POU6F2: variants seen among roughly 807,000 people sequenced by gnomAD.
POU6F2 encodes POU domain, class 6, transcription factor 2.
Under a neutral mutation model 71.3 loss-of-function variants are expected in POU6F2, and 31 were observed. The ratio of observed to expected loss-of-function variants is 0.43; its 90% CI spans 0.33 to 0.59. POU6F2 has a LOEUF of 0.59. POU6F2 is among the 20% of genes least tolerant of loss of function. The probability of loss-of-function intolerance (pLI) is 0.04; values close to 1 mark genes in which losing one functional copy is unlikely to be tolerated. For missense variants in POU6F2, 783 were observed against 856.8 expected (o/e 0.91, Z 1.07); for synonymous variants, 347 against 355.7 (o/e 0.98, Z 0.27).
intron 1 of POU6F2, among the ~76,000 whole-genome samples, chr7:39,009,927 G>A (rs926544466): frequency 1.3e-5 from 2 of 151,868 alleles, no homozygotes; most frequent in Non-Finnish European, 2.9e-5. Flanking sequence ...CGGTTTGCCA[G>A]TATTTTATTG....
At chr7:39,322,527 C>A (rs991955925) in intron 4 of POU6F2, among the ~76,000 whole-genome samples, 21 of 152,192 alleles carry the variant, frequency 1.4e-4, no homozygotes, top group African/African-American at 4.8e-4. Context: ...ACCTGCAGTA[C>A]TTTTCTGTTT....
chr7:39,117,634 G>C (rs955976266), intron 2 of POU6F2, among the ~76,000 whole-genome samples: 2 of 152,118 alleles, frequency 1.3e-5, no homozygotes, highest in Non-Finnish European at 2.9e-5. Flanking sequence ...AGGAGAAGCC[G>C]ACAAGAGGGA....
In POU6F2 at chr7:39,464,611, A is replaced by G; in HGVS notation, c.2088A>G (p.Lys696=). 6.2e-7 allele frequency: 1 copy of G among 1,610,564 alleles called. No individual in the cohort carries two copies. The highest frequency in any genetic ancestry group is 1.1e-5 in the South Asian group (1 of 90,274). ...GGCAAGCCCTGAAGAACACAATTAA[A>G]CGCTTAAAACAGCACGAGCCGGCCA... is the stretch of plus-strand genomic sequence containing the variant. ...NKRQALKNTI[K]RLKQHEPATA... is the part of the protein sequence containing the mutation. The change falls in exon 10 of 10, where the codon AAA becomes AAG. Residue 696 remains lysine, a synonymous_variant. Coordinates refer to ENST00000518318, the MANE Select transcript of POU6F2 (RefSeq NM_001370959.1). This position sits in a 1 kb window ranked among gnomAD's most constrained non-coding sequence, Gnocchi z 4.1.
chr7:39,417,526 G>A (rs1787707337), intron 6 of POU6F2, among the ~76,000 whole-genome samples: 2 of 152,158 alleles, frequency 1.3e-5, no homozygotes, highest in Non-Finnish European at 2.9e-5. Context: ...AATAGATCCT[G>A]AGAAGATGTC....
At chr7:39,083,967 G>A (rs1791182984) in intron 1 of POU6F2, among the ~76,000 whole-genome samples, 1 of 152,130 alleles carries the variant, frequency 6.6e-6, no homozygotes, top group South Asian at 2.1e-4. Flanking sequence ...TGTGATGAAA[G>A]ATGATATCTG....
chr7:39,454,974 C>T (rs74808894), intron 8 of POU6F2, among the ~76,000 whole-genome samples: 1,603 of 151,770 alleles, frequency 0.011, 25 homozygotes, highest in African/African-American at 0.036. Context: ...CACGTCTGGG[C>T]TCAGAATTAC....
At chr7:39,439,844 C>T (rs557797769) in intron 7 of POU6F2, among the ~76,000 whole-genome samples, 1 of 151,434 alleles carries the variant, frequency 6.6e-6, no homozygotes, top group African/African-American at 2.4e-5. Context: ...ATATTTAGTG[C>T]TTCTTTCAGG....
intron 1 of POU6F2, chr7:39,083,480 G>A (rs888840464): frequency 6.6e-6 from 1 of 152,110 alleles, no homozygotes; most frequent in African/African-American, 2.4e-5. Flanking sequence ...GTCAACCAAT[G>A]AGCGTTGTTC....
intron 1 of POU6F2, among the ~76,000 whole-genome samples, chr7:39,081,900 A>T (rs10464366): frequency 0.24 from 35,827 of 152,126 alleles, 5,168 homozygotes; most frequent in East Asian, 0.73. Flanking sequence ...ACTTTTGGAG[A>T]TGAATTGGCC....
intron 2 of POU6F2, among the ~76,000 whole-genome samples, chr7:39,144,308 A>T (rs1209387186): frequency 6.6e-6 from 1 of 152,234 alleles, no homozygotes; most frequent in Non-Finnish European, 1.5e-5. Flanking sequence ...CTGTTATTTT[A>T]AAAAGTTTCT....
chr7:39,158,052 A>C (rs939063972), intron 2 of POU6F2, among the ~76,000 whole-genome samples: 5 of 152,182 alleles, frequency 3.3e-5, no homozygotes, highest in African/African-American at 1.2e-4. Context: ...TATTTTTTCC[A>C]ACTTCAGCAA....
At chr7:39,149,958 T>C (rs1792715815) in intron 2 of POU6F2, among the ~76,000 whole-genome samples, 1 of 150,866 alleles carries the variant, frequency 6.6e-6, no homozygotes, top group Non-Finnish European at 1.5e-5. Flanking sequence ...CAATCTCGGC[T>C]CACTGCAAGC....
At chr7:39,290,451 A>G (rs888853382) in intron 4 of POU6F2, among the ~76,000 whole-genome samples, 2 of 152,216 alleles carry the variant, frequency 1.3e-5, no homozygotes, top group African/African-American at 4.8e-5. Flanking sequence ...GATTCTAAAC[A>G]TGGGTAGGCT....
At chr7:39,229,781 T>G (rs1306225827) in intron 4 of POU6F2, among the ~76,000 whole-genome samples, 1 of 152,200 alleles carries the variant, frequency 6.6e-6, no homozygotes, top group East Asian at 1.9e-4. Context: ...CTTTGCAATC[T>G]TTGCCCTAAA....
intron 1 of POU6F2, chr7:39,006,900 T>C (rs1200228813): frequency 1.9e-6 from 3 of 1,604,946 alleles, no homozygotes; most frequent in East Asian, 2.2e-5. Context: ...TGCCTACCAA[T>C]AGGAAATTTC....
intron 2 of POU6F2, among the ~76,000 whole-genome samples, chr7:39,194,937 G>A (rs1793753701): frequency 6.6e-6 from 1 of 152,102 alleles, no homozygotes; most frequent in South Asian, 2.1e-4. Flanking sequence ...CCCACCAGAA[G>A]GAGAAACTCC....
At chr7:39,069,966 CT>C (rs1283116411) in intron 1 of POU6F2, among the ~76,000 whole-genome samples, 3 of 152,148 alleles carry the variant, frequency 2.0e-5, no homozygotes, top group African/African-American at 7.2e-5. Context: ...GTTAAAGTGG[CT>C]TTTTTAAGAC....
At chr7:39,351,103 T>C (rs559638911) in intron 5 of POU6F2, among the ~76,000 whole-genome samples, 1 of 152,376 alleles carries the variant, frequency 6.6e-6, no homozygotes, top group East Asian at 1.9e-4. Flanking sequence ...AGACTCCGTG[T>C]GTGCAGCCAG....
At chr7:39,353,761 G>A (rs530085837) in intron 5 of POU6F2, among the ~76,000 whole-genome samples, 1 of 152,328 alleles carries the variant, frequency 6.6e-6, no homozygotes, top group South Asian at 2.1e-4. Context: ...GACTGGGGCT[G>A]CAGGTCTTCA....
Sources: gnomAD v4.1 joint callset for allele counts (sites outside exome capture counted in the v4.1 genomes callset) on GRCh38, gnomAD v4.1.1 for gene constraint, Gnocchi (gnomAD v3.1) non-coding constraint, MANE v1.5 for transcripts, NCBI Gene and HGNC (gene_info 2026-07-23, HGNC 2026-07-21) for gene names.